The following CNTN4 variants were observed in gnomAD, a reference collection of about 807,000 sequenced individuals.
The protein encoded by CNTN4 is contactin 4.
A neutral mutation model predicts 122.5 loss-of-function variants in CNTN4; 77 were observed. That is an observed-to-expected ratio of 0.63 (90% CI 0.52 to 0.76). The LOEUF is 0.76. Ranked by LOEUF, CNTN4 falls within the 30% of genes least tolerant of loss-of-function variation. The pLI is 0.00. For synonymous variants in CNTN4, 512 were observed against 447.0 expected, an observed-to-expected ratio of 1.15 and a Z score of -1.83; for missense variants, 1,256 against 1,259.1, an observed-to-expected ratio of 1.00 and a Z score of 0.04.
At chr3:2,774,384 C>G (rs895132330) in intron 6 of CNTN4, among the ~76,000 whole-genome samples, 3 of 152,148 alleles carry the variant, frequency 2.0e-5, no homozygotes, top group African/African-American at 7.2e-5. Flanking sequence ...CGCCATTGTT[C>G]CTTCTCTCTT....
chr3:2,447,795 T>C (rs1342234324), intron 3 of CNTN4, among the ~76,000 whole-genome samples: 1 of 152,200 alleles, frequency 6.6e-6, no homozygotes, highest in Non-Finnish European at 1.5e-5. Context: ...GTACTTCTTA[T>C]GTGTTGGGTT....
chr3:2,466,974 T>TTTC, intron 3 of CNTN4, among the ~76,000 whole-genome samples: 6 of 142,626 alleles, frequency 4.2e-5, no homozygotes, highest in African/African-American at 1.6e-4. Context: ...TTCTTTCTTT[T>TTTC]TTTTTTTTTT....
At position 2,889,397 on chromosome 3, in the gene CNTN4, T is replaced by G. The variant is rs375711216; in HGVS notation, c.940+2173T>G. On this transcript the variant is annotated intron_variant, in intron 10 of 24. Transcript: ENST00000418658. ...CATGCCAGATGACAGACTTGATATTTAATCTTTGCTTTCCTCTTAAACTGT... is the reference window on the plus strand; with the variant it reads ...CATGCCAGATGACAGACTTGATATTGAATCTTTGCTTTCCTCTTAAACTGT... 4.6e-4 allele frequency among the ~76,000 whole-genome samples: 70 copies of G among 152,356 alleles called. No individual in the cohort carries two copies. In the South Asian group the frequency reaches 0.014, roughly 31 times the overall value.
intron 7 of CNTN4, among the ~76,000 whole-genome samples, chr3:2,855,633 C>T (rs1470852255): frequency 6.6e-6 from 1 of 152,164 alleles, no homozygotes; most frequent in Non-Finnish European, 1.5e-5. Flanking sequence ...GTTCCTGTCA[C>T]CTTTGAGTAA....
intron 3 of CNTN4, among the ~76,000 whole-genome samples, chr3:2,521,201 A>C (rs2077199447): frequency 6.6e-6 from 1 of 152,098 alleles, no homozygotes; most frequent in Non-Finnish European, 1.5e-5. Context: ...GTGAACTCAA[A>C]ATTATGTGGG....
chr3:2,518,786 T>C (rs2077114086), intron 3 of CNTN4, among the ~76,000 whole-genome samples: 1 of 152,056 alleles, frequency 6.6e-6, no homozygotes, highest in Non-Finnish European at 1.5e-5. Flanking sequence ...GATGTGGAAG[T>C]ATAGGGAAGG....
intron 2 of CNTN4, among the ~76,000 whole-genome samples, chr3:2,321,249 T>G (rs1327316314): frequency 6.6e-6 from 1 of 152,168 alleles, no homozygotes; most frequent in Admixed American, 6.5e-5. Flanking sequence ...CTAGATAGTA[T>G]AGTGGTAAAA....
chr3:2,363,454 C>T (rs2150566321), intron 3 of CNTN4, among the ~76,000 whole-genome samples: 1 of 152,290 alleles, frequency 6.6e-6, no homozygotes, highest in Non-Finnish European at 1.5e-5. Context: ...TTCTGACTCC[C>T]AAGACTGCAA....
intron 2 of CNTN4, among the ~76,000 whole-genome samples, chr3:2,102,495 TC>T (rs2032063728): frequency 6.6e-6 from 1 of 152,150 alleles, no homozygotes; most frequent in African/African-American, 2.4e-5. Flanking sequence ...GGATACTGCC[TC>T]AGATGTGAAA....
At chr3:2,766,424 A>G (rs919899089) in intron 6 of CNTN4, among the ~76,000 whole-genome samples, 6 of 152,220 alleles carry the variant, frequency 3.9e-5, no homozygotes, top group Non-Finnish European at 5.9e-5. Flanking sequence ...TAAAAAGAGA[A>G]TGAGTTAGTG....
chr3:2,665,288 T>A (rs2084096564), intron 4 of CNTN4, among the ~76,000 whole-genome samples: 1 of 152,216 alleles, frequency 6.6e-6, no homozygotes, highest in African/African-American at 2.4e-5. Context: ...AGTTTGAAGC[T>A]GTTAGTTGAT....
chr3:2,796,689 G>A (rs375472455), intron 6 of CNTN4, among the ~76,000 whole-genome samples: 21 of 152,232 alleles, frequency 1.4e-4, no homozygotes, highest in African/African-American at 3.9e-4. Context: ...GAGACTTATC[G>A]GAAGAAATGT....
At chr3:2,522,407 T>C (rs557709803) in intron 3 of CNTN4, among the ~76,000 whole-genome samples, 1 of 152,202 alleles carries the variant, frequency 6.6e-6, no homozygotes, top group South Asian at 2.1e-4. Flanking sequence ...ATTTACAATA[T>C]CTCTTAGCCT....
chr3:3,006,295 A>G (rs1233220200), intron 14 of CNTN4, among the ~76,000 whole-genome samples: 1 of 152,136 alleles, frequency 6.6e-6, no homozygotes, highest in Non-Finnish European at 1.5e-5. Context: ...ACTCACGTAT[A>G]CTCATAGTCT....
intron 12 of CNTN4, among the ~76,000 whole-genome samples, chr3:2,918,609 T>G (rs762801585): frequency 2.0e-5 from 3 of 152,188 alleles, no homozygotes; most frequent in Non-Finnish European, 4.4e-5. Flanking sequence ...GTAGGAATAT[T>G]TACACCACAG....
chr3:2,950,488 C>G (rs746001981), intron 13 of CNTN4, among the ~76,000 whole-genome samples: 1 of 148,700 alleles, frequency 6.7e-6, no homozygotes, highest in African/African-American at 2.4e-5. Context: ...TGATGAGTAG[C>G]AGGTCCCTGT....
At chr3:2,987,787 T>G (rs1694713255) in intron 13 of CNTN4, among the ~76,000 whole-genome samples, 1 of 152,214 alleles carries the variant, frequency 6.6e-6, no homozygotes, top group Non-Finnish European at 1.5e-5. Flanking sequence ...TTTGCTCTTC[T>G]GCCAAAGTCA....
At chr3:2,594,813 G>A (rs1210522944) in intron 4 of CNTN4, among the ~76,000 whole-genome samples, 1 of 152,080 alleles carries the variant, frequency 6.6e-6, no homozygotes, top group Non-Finnish European at 1.5e-5. Context: ...TCCTGTAATT[G>A]TCATGTGTAT....
chr3:2,487,876 T>A (rs796159958), intron 3 of CNTN4, among the ~76,000 whole-genome samples: 1 of 152,228 alleles, frequency 6.6e-6, no homozygotes, highest in South Asian at 2.1e-4. Flanking sequence ...AAATGACATG[T>A]ACCAATAAGT....
Sources: allele counts gnomAD v4.1 joint callset (sites outside exome capture counted in the v4.1 genomes callset), GRCh38; gene constraint gnomAD v4.1.1; transcripts MANE v1.5; gene names NCBI Gene and HGNC (gene_info 2026-07-23, HGNC 2026-07-21).